Variants in PDE4B observed in about 807,000 individuals in gnomAD.
PDE4B encodes the protein 3',5'-cyclic-AMP phosphodiesterase 4B.
In PDE4B, 20 loss-of-function variants were observed where a neutral mutation model predicts 82.2. The ratio of observed to expected loss-of-function variants is 0.24; its 90% CI spans 0.17 to 0.35. The LOEUF (loss-of-function observed/expected upper bound fraction) is 0.35. Ranked by LOEUF, PDE4B falls within the 10% of genes least tolerant of loss-of-function variation. The probability of loss-of-function intolerance (pLI) is 1.00; values close to 1 mark genes in which losing one functional copy is unlikely to be tolerated. For missense variants in PDE4B, 655 were observed against 907.2 expected, an observed-to-expected ratio of 0.72 and a Z score of 3.57; for synonymous variants, 320 against 318.9, an observed-to-expected ratio of 1.00 and a Z score of -0.04.
chr1:65,950,779 G>A lies in PDE4B; in HGVS notation c.281+31944G>A, dbSNP rs573969385. Reference sequence around the variant, plus strand: ...CGATTCTCTGGAATAGGGGTGAGCTGTTTGTTGTTATCTCCAAAAGTCACA... The same window carrying A: ...CGATTCTCTGGAATAGGGGTGAGCTATTTGTTGTTATCTCCAAAAGTCACA... On this transcript the variant is annotated intron_variant, in intron 3 of 16. Coordinates refer to ENST00000341517, the MANE Select transcript of PDE4B (RefSeq NM_002600.4). 3.3e-5 allele frequency among the ~76,000 whole-genome samples: 5 copies of A among 152,108 alleles called. No homozygotes were observed. In the South Asian group the frequency reaches 1.0e-3, roughly 32 times the overall value.
chr1:65,853,438 C>G (rs1646353901), intron 1 of PDE4B, among the ~76,000 whole-genome samples: 1 of 151,552 alleles, frequency 6.6e-6, no homozygotes, highest in Admixed American at 6.6e-5. Flanking sequence ...TTTGTCTTTC[C>G]TCTTTTATTC....
intron 7 of PDE4B, among the ~76,000 whole-genome samples, chr1:66,272,126 G>C (rs572413458): frequency 6.6e-6 from 1 of 152,296 alleles, no homozygotes; most frequent in African/African-American, 2.4e-5. Flanking sequence ...CCAAACCCTA[G>C]CTGCTGCCTG....
At chr1:66,172,529 T>C (rs1646856533) in intron 3 of PDE4B, among the ~76,000 whole-genome samples, 1 of 152,214 alleles carries the variant, frequency 6.6e-6, no homozygotes, top group Non-Finnish European at 1.5e-5. Flanking sequence ...ATTTCCAAAC[T>C]GCTTTCCACA....
chr1:65,909,073 G>C (rs1280074526), intron 1 of PDE4B, among the ~76,000 whole-genome samples: 1 of 152,092 alleles, frequency 6.6e-6, no homozygotes, highest in African/African-American at 2.4e-5. Context: ...AATCTGAACT[G>C]TTGTTAAGGA....
chr1:66,023,138 A>G (rs903277179), intron 3 of PDE4B, among the ~76,000 whole-genome samples: 60 of 152,162 alleles, frequency 3.9e-4, no homozygotes, highest in Middle Eastern at 3.4e-3. Context: ...GGTGCTACTG[A>G]GGCTTTTTGT....
At chr1:65,876,926 G>A (rs1042042136) in intron 1 of PDE4B, among the ~76,000 whole-genome samples, 2 of 152,124 alleles carry the variant, frequency 1.3e-5, no homozygotes, top group Non-Finnish European at 1.5e-5. Flanking sequence ...TGGAAAAAGA[G>A]TCCATGCTCG....
chr1:66,064,487 G>T (rs1369426794), intron 3 of PDE4B, among the ~76,000 whole-genome samples: 1 of 151,776 alleles, frequency 6.6e-6, no homozygotes, highest in Non-Finnish European at 1.5e-5. Flanking sequence ...AGATAGAGAG[G>T]GATACAGAAT....
At chr1:65,958,426 T>C (rs1251267336) in intron 3 of PDE4B, among the ~76,000 whole-genome samples, 1 of 152,078 alleles carries the variant, frequency 6.6e-6, no homozygotes, top group African/African-American at 2.4e-5. Context: ...AGTTGACTGA[T>C]ATTTTTTTCC....
chr1:66,323,772 A>G (rs893644152), intron 7 of PDE4B, among the ~76,000 whole-genome samples: 2 of 152,208 alleles, frequency 1.3e-5, no homozygotes, highest in Non-Finnish European at 2.9e-5. Context: ...ACAAAGTTTT[A>G]TAACAGTAAG....
intron 3 of PDE4B, among the ~76,000 whole-genome samples, chr1:66,111,976 T>C (rs561407651): frequency 6.6e-6 from 1 of 152,290 alleles, no homozygotes; most frequent in East Asian, 1.9e-4. Context: ...TGAATCTAAA[T>C]GAATCTGGAG....
chr1:65,955,984 G>A (rs1176380577), intron 3 of PDE4B, among the ~76,000 whole-genome samples: 5 of 152,110 alleles, frequency 3.3e-5, no homozygotes, highest in African/African-American at 1.2e-4. Flanking sequence ...GTATGGACAT[G>A]AAATCCAGAA....
chr1:66,109,672 A>C (rs1395495790), intron 3 of PDE4B, among the ~76,000 whole-genome samples: 2 of 151,970 alleles, frequency 1.3e-5, no homozygotes, highest in Non-Finnish European at 2.9e-5. Flanking sequence ...TAATATATTC[A>C]TAATTTAATA....
intron 16 of PDE4B, 125 bp downstream of exon 16, chr1:66,369,094 T>G: frequency 1.5e-6 from 1 of 683,012 alleles, no homozygotes. Flanking sequence ...CAACTACGCA[T>G]TTTGTTCCAT....
intron 3 of PDE4B, among the ~76,000 whole-genome samples, chr1:66,117,131 A>G (rs1279968948): frequency 6.6e-6 from 1 of 152,206 alleles, no homozygotes; most frequent in Non-Finnish European, 1.5e-5. Flanking sequence ...AAAAACAGAC[A>G]TTCAGGAAAA....
chr1:66,100,939 GTCAT>G (rs1366958046), intron 3 of PDE4B, among the ~76,000 whole-genome samples: 1 of 151,910 alleles, frequency 6.6e-6, no homozygotes, highest in African/African-American at 2.4e-5. Flanking sequence ...CCATTAACTC[GTCAT>G]TTACATTAGG....
At chr1:66,025,410 C>T (rs1382545373) in intron 3 of PDE4B, among the ~76,000 whole-genome samples, 1 of 152,030 alleles carries the variant, frequency 6.6e-6, no homozygotes, top group Non-Finnish European at 1.5e-5. Flanking sequence ...CTTTACAAGC[C>T]TAATAACCCA....
chr1:66,152,567 T>C (rs74084640), intron 3 of PDE4B: 3,694 of 267,854 alleles, frequency 0.014, 132 homozygotes, highest in African/African-American at 0.075. Flanking sequence ...AATATATATA[T>C]GATTAAGTGT....
At chr1:66,256,818 C>A (rs747826084) in intron 4 of PDE4B, among the ~76,000 whole-genome samples, 4 of 152,200 alleles carry the variant, frequency 2.6e-5, no homozygotes, top group Admixed American at 1.3e-4. Flanking sequence ...AATTTCTGTG[C>A]TGCTATGATG....
intron 7 of PDE4B, among the ~76,000 whole-genome samples, chr1:66,268,051 A>G (rs1358957036): frequency 6.6e-6 from 1 of 152,214 alleles, no homozygotes. Flanking sequence ...TCAGTACTGA[A>G]GTTGAATTCA....
Sources: gnomAD v4.1 joint callset for allele counts (sites outside exome capture counted in the v4.1 genomes callset) on GRCh38, gnomAD v4.1.1 for gene constraint, MANE v1.5 for transcripts, NCBI Gene and HGNC (gene_info 2026-07-23, HGNC 2026-07-21) for gene names.